Variants in KCNMA1 observed in about 807,000 individuals in gnomAD.
KCNMA1 encodes the protein potassium calcium-activated channel subfamily M alpha 1, also known as Calcium-activated potassium channel subunit alpha-1.
KCNMA1 carries 29 observed loss-of-function variants against 140.0 expected under a neutral mutation model. The ratio of observed to expected loss-of-function variants is 0.21; its 90% CI spans 0.15 to 0.28. KCNMA1 has a LOEUF of 0.28. Ranked by LOEUF, KCNMA1 falls within the 10% of genes least tolerant of loss-of-function variation. The probability of loss-of-function intolerance (pLI) is 1.00; values close to 1 mark genes in which losing one functional copy is unlikely to be tolerated. For synonymous variants in KCNMA1, 612 were observed against 611.9 expected (o/e 1.00, Z 0.00); for missense variants, 880 against 1,602.2 (o/e 0.55, Z 7.70).
intron 2 of KCNMA1, among the ~76,000 whole-genome samples, chr10:77,353,189 C>T (rs2093096756): frequency 6.6e-6 from 1 of 152,024 alleles, no homozygotes; most frequent in South Asian, 2.1e-4. Flanking sequence ...TGGAACAAGC[C>T]CTGGACTGGG....
At chr10:77,272,955 C>G (rs951171464) in intron 2 of KCNMA1, among the ~76,000 whole-genome samples, 5 of 152,106 alleles carry the variant, frequency 3.3e-5, no homozygotes, top group Non-Finnish European at 7.4e-5. Context: ...TTCTAGACCC[C>G]CTACCAAAAC....
At chr10:77,552,929 G>A (rs1483458584) in intron 1 of KCNMA1, among the ~76,000 whole-genome samples, 1 of 152,284 alleles carries the variant, frequency 6.6e-6, no homozygotes, top group East Asian at 1.9e-4. Context: ...CACACCTGTA[G>A]TCCCAGCTAC....
intron 2 of KCNMA1, among the ~76,000 whole-genome samples, chr10:77,332,771 A>G (rs1212815678): frequency 1.3e-5 from 2 of 152,182 alleles, no homozygotes; most frequent in Non-Finnish European, 2.9e-5. Context: ...AAACAGAACC[A>G]CAGAAGTACA....
chr10:77,636,110 C>T (rs1435748755), intron 1 of KCNMA1: 3 of 858,138 alleles, frequency 3.5e-6, no homozygotes, highest in Middle Eastern at 3.9e-4. Flanking sequence ...TGCACTATTC[C>T]CCTGGATTTC....
At chr10:77,435,509 T>C (rs1231205749) in intron 1 of KCNMA1, among the ~76,000 whole-genome samples, 3 of 152,130 alleles carry the variant, frequency 2.0e-5, no homozygotes, top group Non-Finnish European at 4.4e-5. Context: ...CTCCCTGAGA[T>C]AACTAGAAAG....
At chr10:77,569,825 A>G (rs1451414369) in intron 1 of KCNMA1, among the ~76,000 whole-genome samples, 1 of 152,208 alleles carries the variant, frequency 6.6e-6, no homozygotes, top group Non-Finnish European at 1.5e-5. Flanking sequence ...GAAAATTTTC[A>G]CAACCTACTC....
chr10:77,024,242 T>G (rs574379141), intron 16 of KCNMA1, among the ~76,000 whole-genome samples: 2 of 152,252 alleles, frequency 1.3e-5, no homozygotes, highest in East Asian at 3.9e-4. Flanking sequence ...CTGTGGACCT[T>G]TAAGATGCAA....
chr10:76,912,276 G>T (rs999059923), intron 24 of KCNMA1: 5 of 152,212 alleles, frequency 3.3e-5, no homozygotes, highest in Non-Finnish European at 7.3e-5. Context: ...TTTCTTGTGA[G>T]ACTCTGAGGA....
chr10:77,007,653 G>A (rs990146980), intron 18 of KCNMA1, among the ~76,000 whole-genome samples: 9 of 88,466 alleles, frequency 1.0e-4, no homozygotes, highest in African/African-American at 1.4e-4. Flanking sequence ...TTGTGTGTGT[G>A]TATATATATA....
At chr10:77,192,598 G>T (rs1249932546) in intron 3 of KCNMA1, among the ~76,000 whole-genome samples, 1 of 152,098 alleles carries the variant, frequency 6.6e-6, no homozygotes, top group African/African-American at 2.4e-5. Context: ...TGGGGATAAG[G>T]TTACGAATTC....
intron 9 of KCNMA1, among the ~76,000 whole-genome samples, chr10:77,099,661 C>A (rs1383397844): frequency 6.6e-6 from 1 of 151,036 alleles, no homozygotes; most frequent in Non-Finnish European, 1.5e-5. Flanking sequence ...TTGTGGTGAG[C>A]CAAGATTGCG....
At chr10:77,397,668 A>T in intron 2 of KCNMA1, among the ~76,000 whole-genome samples, 1 of 152,206 alleles carries the variant, frequency 6.6e-6, no homozygotes, top group East Asian at 1.9e-4. Flanking sequence ...TGTCACATGG[A>T]TATTTTGCAC....
intron 14 of KCNMA1, among the ~76,000 whole-genome samples, chr10:77,055,937 T>C (rs2095526602): frequency 6.6e-6 from 1 of 152,216 alleles, no homozygotes; most frequent in South Asian, 2.1e-4. Context: ...ACAGCACATT[T>C]AGATTCTAAG....
intron 1 of KCNMA1, among the ~76,000 whole-genome samples, chr10:77,556,186 T>C (rs571935892): frequency 1.1e-3 from 168 of 152,280 alleles, no homozygotes; most frequent in African/African-American, 3.9e-3. Context: ...GGTATTATAG[T>C]TCTCAAAGTA....
chr10:77,474,794 G>A (rs992468584), intron 1 of KCNMA1, among the ~76,000 whole-genome samples: 26 of 152,286 alleles, frequency 1.7e-4, no homozygotes, highest in African/African-American at 5.8e-4. Flanking sequence ...AGAGCTGGTG[G>A]GTTTAGCCAG....
chr10:77,205,771 T>G (rs2043891309), intron 3 of KCNMA1, among the ~76,000 whole-genome samples: 1 of 152,170 alleles, frequency 6.6e-6, no homozygotes, highest in South Asian at 2.1e-4. Flanking sequence ...CTCCTTCTAG[T>G]CATCACTCTC....
intron 2 of KCNMA1, among the ~76,000 whole-genome samples, chr10:77,274,398 A>G (rs2066026232): frequency 6.6e-6 from 1 of 152,038 alleles, no homozygotes; most frequent in South Asian, 2.1e-4. Context: ...TTTATTTAAG[A>G]TCTCCTCCCC....
chr10:77,349,641 T>G (rs1226612789), intron 2 of KCNMA1, among the ~76,000 whole-genome samples: 2 of 152,152 alleles, frequency 1.3e-5, no homozygotes, highest in Non-Finnish European at 2.9e-5. Flanking sequence ...TTCTTTTGCA[T>G]GTAGAGTCAA....
At chr10:77,370,752 G>T (rs561355546) in intron 2 of KCNMA1, among the ~76,000 whole-genome samples, 1 of 152,116 alleles carries the variant, frequency 6.6e-6, no homozygotes, top group Non-Finnish European at 1.5e-5. Context: ...GTGCAGTAGC[G>T]GGGTCTACTG....
Sources: gnomAD v4.1 joint callset for allele counts (sites outside exome capture counted in the v4.1 genomes callset) on GRCh38, gnomAD v4.1.1 for gene constraint, MANE v1.5 for transcripts, NCBI Gene and HGNC (gene_info 2026-07-23, HGNC 2026-07-21) for gene names.